The following PTPRK variants were observed in gnomAD, a reference collection of about 807,000 sequenced individuals.
The protein encoded by PTPRK is protein tyrosine phosphatase receptor type K.
PTPRK carries 75 observed loss-of-function variants against 178.0 expected under a neutral mutation model. That is an observed-to-expected ratio of 0.42 (90% CI 0.35 to 0.51). The LOEUF is 0.51. Ranked by LOEUF, PTPRK falls within the 20% of genes least tolerant of loss-of-function variation. The pLI is 0.02. For synonymous variants in PTPRK, 637 were observed against 620.6 expected, an observed-to-expected ratio of 1.03 and a Z score of -0.39; for missense variants, 1,441 against 1,797.8, an observed-to-expected ratio of 0.80 and a Z score of 3.59.
chr6:128,017,780 A>G (rs1779752447), intron 13 of PTPRK, among the ~76,000 whole-genome samples: 2 of 119,128 alleles, frequency 1.7e-5, no homozygotes, highest in African/African-American at 6.2e-5. Flanking sequence ...ATATTTATAC[A>G]TATATAAATA....
intron 1 of PTPRK, among the ~76,000 whole-genome samples, chr6:128,456,637 A>C (rs1848430552): frequency 6.6e-6 from 1 of 152,128 alleles, no homozygotes; most frequent in Non-Finnish European, 1.5e-5. Context: ...ACATAATTTA[A>C]GGTTGAAGTA....
At position 128,039,910 on chromosome 6, in the gene PTPRK, G is replaced by A. The variant is rs992775914; in HGVS notation, c.2194+24848C>T. Among the ~76,000 whole-genome samples the A allele has an allele frequency of 6.6e-5, 10 of 152,262 alleles. No individual in the cohort carries two copies. In the East Asian group the frequency reaches 1.2e-3, roughly 18 times the overall value. On this transcript the variant is annotated intron_variant, in intron 13 of 29. Transcript: ENST00000368226. ...TAGTCCCAATATTTAGCGCCTGGTG[G>A]AAGAGTTAGGTGTAGCAAATTAAGC...
intron 1 of PTPRK, among the ~76,000 whole-genome samples, chr6:128,423,063 T>C (rs1001536376): frequency 2.6e-5 from 4 of 152,224 alleles, no homozygotes; most frequent in Non-Finnish European, 4.4e-5. Context: ...GATCTGACCA[T>C]TGGTTAGTAA....
At chr6:128,498,324 T>C (rs558768603) in intron 1 of PTPRK, among the ~76,000 whole-genome samples, 2 of 152,344 alleles carry the variant, frequency 1.3e-5, no homozygotes, top group East Asian at 3.9e-4. Flanking sequence ...ATTTGGAATA[T>C]TTATTTAAGA....
intron 15 of PTPRK, 151 bp from the exon 16 acceptor site, chr6:127,999,055 A>T: frequency 1.7e-6 from 1 of 573,642 alleles, no homozygotes; most frequent in Non-Finnish European, 2.7e-6. Flanking sequence ...ATAGGCCTAG[A>T]CAGTATCCCC....
At chr6:128,062,156 T>A (rs1780947317) in intron 13 of PTPRK, 1 of 154,780 alleles carries the variant, frequency 6.5e-6, no homozygotes. Flanking sequence ...AGTCAGGCAA[T>A]AAGTTGATGT....
intron 5 of PTPRK, chr6:128,235,502 T>G (rs1303506614): frequency 2.4e-6 from 1 of 419,848 alleles, no homozygotes; most frequent in Admixed American, 2.8e-5. Flanking sequence ...GAATCACAAA[T>G]TCCGTATCAT....
chr6:128,097,514 A>C (rs913834405), intron 7 of PTPRK, among the ~76,000 whole-genome samples: 6 of 152,188 alleles, frequency 3.9e-5, no homozygotes, highest in African/African-American at 1.4e-4. Context: ...TAATTCTTTT[A>C]CCAATAGATA....
At chr6:128,258,908 G>C (rs1201727595) in intron 3 of PTPRK, among the ~76,000 whole-genome samples, 5 of 152,176 alleles carry the variant, frequency 3.3e-5, no homozygotes, top group Admixed American at 3.3e-4. Flanking sequence ...ATTTAACGTG[G>C]AGCTAGCCAA....
At chr6:128,368,031 A>C (rs1457684210) in intron 2 of PTPRK, among the ~76,000 whole-genome samples, 1 of 152,196 alleles carries the variant, frequency 6.6e-6, no homozygotes, top group East Asian at 1.9e-4. Flanking sequence ...AATAAAAAAT[A>C]ATGCAAAATG....
chr6:128,075,089 C>T (rs1456805023), intron 11 of PTPRK, among the ~76,000 whole-genome samples: 1 of 152,004 alleles, frequency 6.6e-6, no homozygotes, highest in Non-Finnish European at 1.5e-5. Context: ...AAAGTCTCCA[C>T]TCAAACTCCC....
chr6:128,224,606 G>C (rs139807089), intron 5 of PTPRK, among the ~76,000 whole-genome samples: 2 of 152,266 alleles, frequency 1.3e-5, no homozygotes, highest in Non-Finnish European at 2.9e-5. Context: ...GATATTACAC[G>C]TGGAGACACA....
chr6:128,369,158 C>T (rs377415055), intron 2 of PTPRK, among the ~76,000 whole-genome samples: 53 of 4,372 alleles, frequency 0.012, no homozygotes, highest in African/African-American at 0.018. Context: ...CATTACTGTC[C>T]CACCACTCTT....
intron 2 of PTPRK, among the ~76,000 whole-genome samples, chr6:128,368,509 C>A (rs1398719537): frequency 6.6e-6 from 1 of 152,030 alleles, no homozygotes; most frequent in Non-Finnish European, 1.5e-5. Context: ...CTAATTTTCC[C>A]CCAATGAAAC....
intron 1 of PTPRK, among the ~76,000 whole-genome samples, chr6:128,433,993 G>T (rs560302003): frequency 6.6e-6 from 1 of 151,584 alleles, no homozygotes; most frequent in African/African-American, 2.4e-5. Flanking sequence ...CAAATCCCAA[G>T]TCAGAGATTT....
chr6:128,448,319 A>G (rs373773953), intron 1 of PTPRK, among the ~76,000 whole-genome samples: 1 of 152,220 alleles, frequency 6.6e-6, no homozygotes, highest in South Asian at 2.1e-4. Flanking sequence ...TATAATCATT[A>G]ACTCATCTGA....
At chr6:127,983,038 T>C in intron 23 of PTPRK, 58 bp from the exon 24 acceptor site, 2 of 1,520,048 alleles carry the variant, frequency 1.3e-6, no homozygotes, top group Non-Finnish European at 1.8e-6. Context: ...TTTTCTGTCA[T>C]CAAAGTTAGG....
In PTPRK at chr6:128,192,698, C is replaced by T. The variant is rs193236827; in HGVS notation, c.869-7973G>A. On this transcript the variant is annotated intron_variant, in intron 6 of 29. Coordinates refer to ENST00000368226, the MANE Select transcript of PTPRK (RefSeq NM_002844.4). Reference sequence around the variant, plus strand: ...AGCCAGGTGTGGTGGCAGCTGTGGTCCCAGCTACTCGGGAGGCTGAGATGG... The same window carrying T: ...AGCCAGGTGTGGTGGCAGCTGTGGTTCCAGCTACTCGGGAGGCTGAGATGG... Among the ~76,000 whole-genome samples the T allele has an allele frequency of 5.3e-5, 8 of 151,956 alleles. No individual in the cohort carries two copies. In the East Asian group the frequency reaches 1.2e-3, roughly 22 times the overall value.
At chr6:128,464,654 TATATATATATATATATATATAC>T (rs1247090098) in intron 1 of PTPRK, among the ~76,000 whole-genome samples, 1 of 111,318 alleles carries the variant, frequency 9.0e-6, no homozygotes, top group Non-Finnish European at 1.9e-5. Context: ...TATATATATA[TATATATATATATATATATATAC>T]AACAGATGGT....
Sources: gnomAD v4.1 joint callset for allele counts (sites outside exome capture counted in the v4.1 genomes callset) on GRCh38, gnomAD v4.1.1 for gene constraint, MANE v1.5 for transcripts, NCBI Gene and HGNC (gene_info 2026-07-23, HGNC 2026-07-21) for gene names.